Variants in MTHFD1L observed in about 807,000 individuals in gnomAD.
MTHFD1L encodes the protein monofunctional C1-tetrahydrofolate synthase, mitochondrial.
In MTHFD1L, 81 loss-of-function variants were observed where a neutral mutation model predicts 119.5. That is an observed-to-expected ratio of 0.68 (90% CI 0.57 to 0.82). MTHFD1L has a LOEUF of 0.82. Among genes scored for constraint, MTHFD1L ranks in the 40% least tolerant of loss-of-function variants. MTHFD1L has a pLI of 0.00. For synonymous variants in MTHFD1L, 430 were observed against 475.2 expected (o/e 0.90, Z 1.24); for missense variants, 1,125 against 1,253.4 (o/e 0.90, Z 1.55).
At chr6:150,986,771 A>G (rs1778366988) in intron 20 of MTHFD1L, among the ~76,000 whole-genome samples, 1 of 151,986 alleles carries the variant, frequency 6.6e-6, no homozygotes, top group Admixed American at 6.5e-5. Context: ...GTGGCACAAT[A>G]TCGGCTCACC....
chr6:150,997,477 G>C (rs551678804), intron 20 of MTHFD1L, among the ~76,000 whole-genome samples: 1 of 152,256 alleles, frequency 6.6e-6, no homozygotes, highest in African/African-American at 2.4e-5. Context: ...CTATGATTGT[G>C]CTTTGTGATC....
chr6:151,053,107 A>T (rs1000104241), intron 26 of MTHFD1L, among the ~76,000 whole-genome samples: 2 of 152,228 alleles, frequency 1.3e-5, no homozygotes, highest in Non-Finnish European at 2.9e-5. Context: ...AAAGGAAGTA[A>T]TCTCTTCTCT....
At chr6:150,965,127 A>T in intron 19 of MTHFD1L, 90 bp downstream of exon 19, 1 of 1,125,186 alleles carries the variant, frequency 8.9e-7, no homozygotes, top group Non-Finnish European at 1.3e-6. Context: ...GCAGGCATAG[A>T]GCATGCCTGG....
intron 26 of MTHFD1L, among the ~76,000 whole-genome samples, chr6:151,073,043 C>A (rs372376821): frequency 4.6e-5 from 7 of 152,102 alleles, no homozygotes; most frequent in African/African-American, 1.7e-4. Flanking sequence ...CTATAATTGT[C>A]CTTATCTAGA....
intron 26 of MTHFD1L, among the ~76,000 whole-genome samples, chr6:151,058,040 G>A (rs1309189251): frequency 1.3e-5 from 2 of 152,110 alleles, no homozygotes; most frequent in Admixed American, 1.3e-4. Flanking sequence ...ACCTCCCAAA[G>A]TGCTAGGATT....
chr6:150,869,756 C>T (rs1156799457), intron 1 of MTHFD1L, among the ~76,000 whole-genome samples: 2 of 152,132 alleles, frequency 1.3e-5, no homozygotes, highest in Non-Finnish European at 2.9e-5. Flanking sequence ...GGGTGTGTGT[C>T]AGCTAGAAGT....
chr6:150,960,353 C>T lies in MTHFD1L; in HGVS notation c.1882C>T (p.Arg628Trp), dbSNP rs1458346270. 5.6e-6 allele frequency: 9 copies of T among 1,613,888 alleles called. No individual in the cohort carries two copies. The highest frequency in any genetic ancestry group is 2.2e-5 in the South Asian group (2 of 91,050). The change falls in exon 18 of 28, where the codon CGG becomes TGG. Residue 628 changes from arginine (R) to tryptophan (W), a missense_variant. Physicochemically the swap from Arg to Trp is moderately radical, Grantham distance 101. Around this residue, in one of 3 missense-constraint regions of MTHFD1L, gnomAD observed 1,058 missense variants for 1,151.2 expected, o/e 0.92. Transcript: ENST00000367321. ...LTDSLADMKA[R>W]LGRMVVASDK... The stretch of plus-strand genomic sequence containing the variant: ...GGACAGCCTCGCAGACATGAAGGCA[C>T]GGCTGGGAAGGATGGTGGTGGCCAG...
intron 27 of MTHFD1L, among the ~76,000 whole-genome samples, chr6:151,096,155 G>A (rs1306083919): frequency 6.6e-5 from 10 of 152,134 alleles, no homozygotes; most frequent in Non-Finnish European, 1.5e-4. Flanking sequence ...AGGTACTTGA[G>A]GATAATGAGG....
chr6:150,877,893 G>C (rs184687384), intron 4 of MTHFD1L, 67 bp downstream of exon 4: 6 of 1,571,134 alleles, frequency 3.8e-6, no homozygotes, highest in Non-Finnish European at 5.3e-6. Context: ...GCCCATTGGC[G>C]TCTCTTAGTG....
chr6:150,914,467 G>C (rs1054619657), intron 8 of MTHFD1L, among the ~76,000 whole-genome samples: 1 of 152,082 alleles, frequency 6.6e-6, no homozygotes, highest in Non-Finnish European at 1.5e-5. Flanking sequence ...AGACCAGCTT[G>C]GGCAACATAG....
chr6:150,903,505 C>A (rs1359204862), intron 7 of MTHFD1L, among the ~76,000 whole-genome samples: 1 of 152,130 alleles, frequency 6.6e-6, no homozygotes, highest in Non-Finnish European at 1.5e-5. Context: ...CAGCCATGAC[C>A]TCCTGGGCTC....
intron 24 of MTHFD1L, among the ~76,000 whole-genome samples, chr6:151,032,379 G>A (rs1314578576): frequency 6.6e-6 from 1 of 152,100 alleles, no homozygotes; most frequent in African/African-American, 2.4e-5. Flanking sequence ...GCAAGAGATG[G>A]GGTGGGAGGT....
At chr6:151,044,847 G>T (rs542415150) in intron 26 of MTHFD1L, among the ~76,000 whole-genome samples, 97 of 152,244 alleles carry the variant, frequency 6.4e-4, no homozygotes, top group African/African-American at 2.2e-3. Context: ...GATGTCACCC[G>T]CTACAAATGC....
intron 20 of MTHFD1L, among the ~76,000 whole-genome samples, chr6:151,002,289 A>T (rs1249837421): frequency 6.6e-6 from 1 of 152,158 alleles, no homozygotes; most frequent in Admixed American, 6.5e-5. Context: ...CCTTGGGGAA[A>T]ATTATAAAAT....
intron 8 of MTHFD1L, among the ~76,000 whole-genome samples, chr6:150,915,416 T>C (rs994776679): frequency 2.0e-5 from 3 of 152,200 alleles, no homozygotes; most frequent in African/African-American, 7.2e-5. Flanking sequence ...CTTTTCAAAA[T>C]AAAATATCCA....
chr6:150,971,201 TA>T (rs767454067), intron 19 of MTHFD1L, among the ~76,000 whole-genome samples: 3 of 152,188 alleles, frequency 2.0e-5, no homozygotes, highest in African/African-American at 4.8e-5. Context: ...TTTTATTTAT[TA>T]TTTTTTTCAT....
At chr6:150,885,501 T>A (rs929600578) in intron 5 of MTHFD1L, 133 bp from the exon 6 acceptor site, 1 of 648,318 alleles carries the variant, frequency 1.5e-6, no homozygotes, top group African/African-American at 1.8e-5. Flanking sequence ...TGGTCCTCTT[T>A]AATTCATTTT....
At chr6:151,053,955 T>C (rs993787120) in intron 26 of MTHFD1L, among the ~76,000 whole-genome samples, 1 of 152,226 alleles carries the variant, frequency 6.6e-6, no homozygotes, top group Non-Finnish European at 1.5e-5. Flanking sequence ...AAAGCTGGTT[T>C]GGAATCTGGA....
intron 26 of MTHFD1L, among the ~76,000 whole-genome samples, chr6:151,061,307 T>A (rs1020283320): frequency 1.6e-4 from 25 of 152,272 alleles, no homozygotes; most frequent in African/African-American, 6.0e-4. Context: ...ATACACTTAG[T>A]TCCTCCAGCA....
Sources: allele counts gnomAD v4.1 joint callset (sites outside exome capture counted in the v4.1 genomes callset), GRCh38; gene constraint gnomAD v4.1.1; regional missense constraint gnomAD v4.1.1; transcripts MANE v1.5; gene names NCBI Gene and HGNC (gene_info 2026-07-23, HGNC 2026-07-21).